The following DAB1 variants were observed in gnomAD, a reference collection of about 807,000 sequenced individuals.
DAB1 encodes disabled homolog 1.
A neutral mutation model predicts 64.6 loss-of-function variants in DAB1; 15 were observed. The ratio of observed to expected loss-of-function variants is 0.23; its 90% CI spans 0.16 to 0.36. The LOEUF is 0.36. DAB1 is among the 10% of genes least tolerant of loss of function. DAB1 has a pLI of 1.00. For synonymous variants in DAB1, 235 were observed against 251.9 expected (o/e 0.93, Z 0.64); for missense variants, 596 against 706.7 (o/e 0.84, Z 1.78).
At chr1:57,331,182 G>C (rs1463226270) in intron 1 of DAB1, among the ~76,000 whole-genome samples, 2 of 152,114 alleles carry the variant, frequency 1.3e-5, no homozygotes, top group African/African-American at 4.8e-5. Context: ...TGCTAGCAAA[G>C]AAACTGTCTG....
intron 7 of DAB1, among the ~76,000 whole-genome samples, chr1:57,579,914 C>T (rs1416022103): frequency 6.6e-6 from 1 of 152,180 alleles, no homozygotes; most frequent in Non-Finnish European, 1.5e-5. Context: ...AAAACATAGC[C>T]TACCATGCAG....
chr1:57,959,817 C>A (rs1645475382), intron 5 of DAB1, among the ~76,000 whole-genome samples: 1 of 152,184 alleles, frequency 6.6e-6, no homozygotes, highest in African/African-American at 2.4e-5. Context: ...AGTTTGGCTC[C>A]TTGGGGACCT....
intron 7 of DAB1, among the ~76,000 whole-genome samples, chr1:57,595,268 T>A (rs1645494560): frequency 1.3e-5 from 2 of 151,954 alleles, no homozygotes; most frequent in South Asian, 2.1e-4. Context: ...GATTCTAGAT[T>A]TTTTTTAGAT....
chr1:57,011,046 A>C (rs1037366978), intron 13 of DAB1, 99 bp downstream of exon 13: 3 of 1,477,292 alleles, frequency 2.0e-6, no homozygotes, highest in Admixed American at 3.8e-5. Flanking sequence ...TTGAGCCAGC[A>C]TTCTTTTCTA....
At chr1:57,020,916 T>A (rs1291884253) in intron 11 of DAB1, among the ~76,000 whole-genome samples, 1 of 152,132 alleles carries the variant, frequency 6.6e-6, no homozygotes, top group East Asian at 1.9e-4. Flanking sequence ...ACCTGGCCCA[T>A]TAGATTCAAA....
At chr1:57,835,990 C>G (rs753505680) in intron 1 of DAB1, among the ~76,000 whole-genome samples, 1 of 152,184 alleles carries the variant, frequency 6.6e-6, no homozygotes, top group Non-Finnish European at 1.5e-5. Flanking sequence ...TTCCAGGTAT[C>G]AGAACTCCTT....
chr1:57,085,432 G>A (rs189627118), intron 4 of DAB1, among the ~76,000 whole-genome samples: 25 of 152,288 alleles, frequency 1.6e-4, no homozygotes, highest in African/African-American at 5.8e-4. Flanking sequence ...ATCAAATACT[G>A]CCCGCTACTG....
intron 1 of DAB1, among the ~76,000 whole-genome samples, chr1:57,392,855 A>C (rs1682498872): frequency 6.6e-6 from 1 of 152,172 alleles, no homozygotes; most frequent in African/African-American, 2.4e-5. Flanking sequence ...AAAGTAACAA[A>C]GCACCATTGG....
intron 4 of DAB1, among the ~76,000 whole-genome samples, chr1:58,185,553 GGTTTTGTTTTGTTTT>G (rs377555169): frequency 6.6e-6 from 1 of 152,014 alleles, no homozygotes. Flanking sequence ...GCCTACCATA[GGTTTTGTTTTGTTTT>G]GTTTTGTTTT....
intron 4 of DAB1, among the ~76,000 whole-genome samples, chr1:58,307,718 G>A (rs895559417): frequency 2.0e-5 from 3 of 151,980 alleles, no homozygotes; most frequent in Non-Finnish European, 4.4e-5. Flanking sequence ...AGCATATGCA[G>A]AGCCTGGGAA....
At chr1:57,702,766 C>T (rs184821237) in intron 6 of DAB1, among the ~76,000 whole-genome samples, 3 of 152,250 alleles carry the variant, frequency 2.0e-5, no homozygotes, top group Admixed American at 2.0e-4. Flanking sequence ...AAGCTGAAGG[C>T]ATCATGCTAC....
intron 2 of DAB1, among the ~76,000 whole-genome samples, chr1:57,224,759 T>A (rs1386346079): frequency 1.3e-5 from 2 of 152,208 alleles, no homozygotes; most frequent in African/African-American, 4.8e-5. Context: ...TAGGAGTGTC[T>A]TTGTTACGCT....
At chr1:57,534,661 T>C (rs1949831) in intron 7 of DAB1, among the ~76,000 whole-genome samples, 46,515 of 152,058 alleles carry the variant, frequency 0.31, 7,972 homozygotes, top group African/African-American at 0.46. Context: ...TCCTGTCGTG[T>C]TCCTCGTTTA....
At chr1:57,274,200 T>G (rs1420192055) in intron 2 of DAB1, among the ~76,000 whole-genome samples, 1 of 152,166 alleles carries the variant, frequency 6.6e-6, no homozygotes, top group Non-Finnish European at 1.5e-5. Context: ...CTGTTAAAAA[T>G]TAAAACTCAG....
intron 4 of DAB1, among the ~76,000 whole-genome samples, chr1:57,114,233 T>C (rs1570717473): frequency 6.7e-6 from 1 of 148,172 alleles, no homozygotes; most frequent in Non-Finnish European, 1.5e-5. Flanking sequence ...TACGAGAAAA[T>C]GGAACAAACG....
intron 2 of DAB1, among the ~76,000 whole-genome samples, chr1:57,266,601 T>C (rs1324230385): frequency 6.6e-6 from 1 of 152,216 alleles, no homozygotes; most frequent in African/African-American, 2.4e-5. Flanking sequence ...AGCAATTTTG[T>C]TATCTATCCT....
intron 5 of DAB1, among the ~76,000 whole-genome samples, chr1:57,969,921 T>C (rs551141760): frequency 1.1e-4 from 17 of 152,056 alleles, no homozygotes; most frequent in Non-Finnish European, 2.4e-4. Flanking sequence ...CACAATGTAA[T>C]GGTATTAAGA....
intron 6 of DAB1, among the ~76,000 whole-genome samples, chr1:57,789,924 G>A (rs1488992239): frequency 2.0e-5 from 3 of 152,122 alleles, no homozygotes; most frequent in Non-Finnish European, 2.9e-5. Flanking sequence ...GGCAGAGGTC[G>A]AGCAGTGTAG....
intron 2 of DAB1, among the ~76,000 whole-genome samples, chr1:57,270,710 A>G (rs185954196): frequency 1.5e-3 from 226 of 152,316 alleles, no homozygotes; most frequent in African/African-American, 5.2e-3. Context: ...CCCTGCAATG[A>G]ACACAGGAGT....
Sources: allele counts gnomAD v4.1 joint callset (sites outside exome capture counted in the v4.1 genomes callset), GRCh38; gene constraint gnomAD v4.1.1; transcripts MANE v1.5; gene names NCBI Gene and HGNC (gene_info 2026-07-23, HGNC 2026-07-21).